The following WWP1 variants were observed in gnomAD, a reference collection of about 807,000 sequenced individuals.
WWP1 encodes NEDD4-like E3 ubiquitin-protein ligase WWP1.
In WWP1, 49 loss-of-function variants were observed where a neutral mutation model predicts 130.6. That is an observed-to-expected ratio of 0.38 (90% CI 0.30 to 0.48). The LOEUF (loss-of-function observed/expected upper bound fraction) is 0.48. Among genes scored for constraint, WWP1 ranks in the 20% least tolerant of loss-of-function variants. The probability of loss-of-function intolerance (pLI) is 0.99; values close to 1 mark genes in which losing one functional copy is unlikely to be tolerated. For synonymous variants in WWP1, 332 were observed against 367.8 expected, an observed-to-expected ratio of 0.90 and a Z score of 1.11; for missense variants, 809 against 1,100.6, an observed-to-expected ratio of 0.74 and a Z score of 3.75.
intron 3 of WWP1, among the ~76,000 whole-genome samples, chr8:86,378,461 C>T (rs1824796259): frequency 6.6e-6 from 1 of 151,690 alleles, no homozygotes; most frequent in African/African-American, 2.4e-5. Context: ...GTTAACTCTC[C>T]CTACCCTCTC....
intron 23 of WWP1, 139 bp downstream of exon 23, chr8:86,461,459 G>T (rs1811762350): frequency 4.0e-6 from 3 of 745,038 alleles, no homozygotes; most frequent in South Asian, 3.6e-5. Flanking sequence ...AAAGAAAAAT[G>T]AGTGGCTAAT....
At chr8:86,381,086 TCTGA>T (rs1824961239) in intron 4 of WWP1, among the ~76,000 whole-genome samples, 1 of 123,628 alleles carries the variant, frequency 8.1e-6, no homozygotes, top group Non-Finnish European at 1.9e-5. Context: ...TTCCATTTTC[TCTGA>T]CTGTTTTGGT....
chr8:86,436,656 T>C (rs10097866), intron 16 of WWP1, among the ~76,000 whole-genome samples: 22,426 of 152,256 alleles, frequency 0.15, 1,807 homozygotes, highest in Non-Finnish European at 0.19. Context: ...AATGCAGTAT[T>C]TCTTCCTTTC....
chr8:86,458,033 CT>C lies in WWP1; in HGVS notation c.2499+12del. ...ATCATTTGGTTTTGGCAGGTATTTGCTTTTATCTTTTTTGAAACAAAGTACT... is the reference window on the plus strand; with the variant it reads ...ATCATTTGGTTTTGGCAGGTATTTGCTTTATCTTTTTTGAAACAAAGTACT... On this transcript the variant is annotated intron_variant, in intron 22 of 24. Transcript: ENST00000517970. 1.2e-6 allele frequency: 2 copies of C among 1,605,496 alleles called. No individual in the cohort carries two copies. Among genetic ancestry groups the C allele is most frequent in the Non-Finnish European group, 8.5e-7 (1 of 1,173,462 alleles).
At chr8:86,460,691 G>A (rs751719760) in intron 22 of WWP1, among the ~76,000 whole-genome samples, 1 of 149,924 alleles carries the variant, frequency 6.7e-6, no homozygotes, top group East Asian at 2.0e-4. Flanking sequence ...GCCAGCCTCC[G>A]TGTTCTCATG....
chr8:86,433,628 T>A (rs1810117339), intron 14 of WWP1, among the ~76,000 whole-genome samples: 1 of 151,848 alleles, frequency 6.6e-6, no homozygotes, highest in Admixed American at 6.6e-5. Context: ...ATAACTCCAC[T>A]CTAGCAGGTG....
At chr8:86,372,373 G>T (rs192305057) in intron 2 of WWP1, among the ~76,000 whole-genome samples, 1 of 152,060 alleles carries the variant, frequency 6.6e-6, no homozygotes. Flanking sequence ...TTGGCCAGGC[G>T]GGTCTTGAAC....
chr8:86,443,261 A>G (rs761675580), intron 18 of WWP1, among the ~76,000 whole-genome samples: 25 of 151,912 alleles, frequency 1.6e-4, no homozygotes, highest in Non-Finnish European at 3.5e-4. Context: ...TTTAGTTGAG[A>G]TGGGGTTTCA....
At chr8:86,381,728 T>C in intron 5 of WWP1, 99 bp downstream of exon 5, 1 of 1,220,188 alleles carries the variant, frequency 8.2e-7, no homozygotes, top group Admixed American at 3.7e-5. Flanking sequence ...TTTGTATCCA[T>C]AAAGAACTTC....
chr8:86,379,477 G>A (rs1225113652), intron 3 of WWP1, among the ~76,000 whole-genome samples: 1 of 152,114 alleles, frequency 6.6e-6, no homozygotes, highest in African/African-American at 2.4e-5. Flanking sequence ...CGGTGTGTAT[G>A]ACATGAAAGA....
chr8:86,343,096 C>G (rs1822320319), intron 1 of WWP1, 166 bp downstream of exon 1: 1 of 269,720 alleles, frequency 3.7e-6, no homozygotes, highest in Non-Finnish European at 6.9e-6. Flanking sequence ...GCTACCTTCT[C>G]CAGCCCGGGA....
chr8:86,393,817 C>T (rs1390407346), intron 5 of WWP1, among the ~76,000 whole-genome samples: 1 of 152,326 alleles, frequency 6.6e-6, no homozygotes, highest in South Asian at 2.1e-4. Flanking sequence ...TCTGTAGTCC[C>T]CTCCCACACT....
intron 5 of WWP1, among the ~76,000 whole-genome samples, chr8:86,394,636 G>C (rs1054098000): frequency 6.6e-6 from 1 of 152,174 alleles, no homozygotes; most frequent in Non-Finnish European, 1.5e-5. Context: ...CTGGCACACC[G>C]TAGGCACTCA....
rs186216895 is a variant in WWP1 at position 86,393,431 on chromosome 8, A to T, written c.335-4911A>T. Among the ~76,000 whole-genome samples the T allele has an allele frequency of 1.3e-4, 20 of 152,194 alleles. No individual in the cohort carries two copies. In the East Asian group the frequency reaches 1.5e-3, roughly 12 times the overall value. On this transcript the variant is annotated intron_variant, in intron 5 of 24. Coordinates refer to ENST00000517970, the MANE Select transcript of WWP1 (RefSeq NM_007013.4). ...CCTGGCTAATTTTTGTGTTCTTAGTAGAGGCAGGGTTTCTCTGTGTTGGCT... is the reference window on the plus strand; with the variant it reads ...CCTGGCTAATTTTTGTGTTCTTAGTTGAGGCAGGGTTTCTCTGTGTTGGCT...
chr8:86,436,144 T>C (rs1420827386), intron 16 of WWP1, among the ~76,000 whole-genome samples: 2 of 152,240 alleles, frequency 1.3e-5, no homozygotes, highest in African/African-American at 4.8e-5. Flanking sequence ...TGTATCTCCA[T>C]GTTATAGGTA....
intron 9 of WWP1, among the ~76,000 whole-genome samples, chr8:86,418,224 G>T (rs933526148): frequency 2.0e-5 from 3 of 152,094 alleles, no homozygotes; most frequent in African/African-American, 7.2e-5. Context: ...TCTGTGCTAG[G>T]TGCTGTTAGT....
intron 24 of WWP1, among the ~76,000 whole-genome samples, chr8:86,464,380 G>T (rs1016239575): frequency 6.6e-6 from 1 of 151,882 alleles, no homozygotes; most frequent in African/African-American, 2.4e-5. Context: ...GAAGTAGTTG[G>T]GTTTTTCCCA....
In WWP1 at chr8:86,450,579, G is replaced by A. The variant is rs528730014; in HGVS notation, c.2274-1980G>A. Among the ~76,000 whole-genome samples the A allele has an allele frequency of 2.3e-4, 35 of 152,264 alleles. No homozygotes were observed. In the East Asian group the frequency reaches 6.7e-3, roughly 29 times the overall value. ...TATGTAAGATGTATATTCACTTTCT[G>A]TAAAGTTAAGCACTGTTTCAAACAT... On this transcript the variant is annotated intron_variant, in intron 20 of 24. Coordinates refer to ENST00000517970, the MANE Select transcript of WWP1 (RefSeq NM_007013.4).
chr8:86,452,813 T>C (rs987799775), intron 21 of WWP1, 134 bp downstream of exon 21: 9 of 1,133,750 alleles, frequency 7.9e-6, no homozygotes, highest in Admixed American at 7.2e-5. Flanking sequence ...TGTCCTGATG[T>C]CAAGGTGGTA....
Sources: allele counts gnomAD v4.1 joint callset (sites outside exome capture counted in the v4.1 genomes callset), GRCh38; gene constraint gnomAD v4.1.1; transcripts MANE v1.5; gene names NCBI Gene and HGNC (gene_info 2026-07-23, HGNC 2026-07-21).